MARCHF1: variants seen among roughly 807,000 people sequenced by gnomAD.
MARCHF1 encodes E3 ubiquitin-protein ligase MARCHF1.
A neutral mutation model predicts 54.2 loss-of-function variants in MARCHF1; 40 were observed. That is an observed-to-expected ratio of 0.74 (90% CI 0.57 to 0.96). The LOEUF is 0.96. Ranked by LOEUF, MARCHF1 falls within the 40% of genes least tolerant of loss-of-function variation. MARCHF1 has a pLI of 0.00. For synonymous variants in MARCHF1, 236 were observed against 236.3 expected (o/e 1.00, Z 0.01); for missense variants, 586 against 656.5 (o/e 0.89, Z 1.17).
chr4:163,733,258 T>TATACACATGTATATATATACACAC lies in MARCHF1; in HGVS notation c.112-32396_112-32395insGTGTGTATATATATACATGTGTAT, dbSNP rs1554008879. ...ATATATATACACGTGTATATATATA[T>TATACACATGTATATATATACACAC]ACACACACACACACACACAGACACA... On this transcript the variant is annotated intron_variant, in intron 4 of 9. Coordinates refer to ENST00000514618, the MANE Select transcript of MARCHF1 (RefSeq NM_001394959.1). Among the ~76,000 whole-genome samples the TATACACATGTATATATATACACAC allele has an allele frequency of 3.5e-3, 157 of 45,066 alleles. 4 individuals carry two copies. Among genetic ancestry groups the TATACACATGTATATATATACACAC allele is most frequent in the African/African-American group, 9.8e-3 (149 of 15,260 alleles). 29.6% of individuals were successfully genotyped at this position (45,066 alleles called of 152,430 possible). A position where few individuals can be genotyped will look rare whatever the true frequency, so the allele number is the denominator to read the frequency against.
In MARCHF1 at chr4:164,330,474, C is replaced by T. The variant is rs114499734; in HGVS notation, c.-323+53396G>A. Among the ~76,000 whole-genome samples, 926 of 152,226 alleles carry T rather than the reference C, an allele frequency of 6.1e-3. 6 individuals carry two copies. The highest frequency in any genetic ancestry group is 0.021 in the African/African-American group (870 of 41,536). On this transcript the variant is annotated intron_variant, in intron 1 of 9. Coordinates refer to ENST00000514618, the MANE Select transcript of MARCHF1 (RefSeq NM_001394959.1). ...ACAGACATATGTCCATAAAACCCAC[C>T]CGTAGCCACAAAATGAAAGCTCCAT...
At chr4:164,125,167 G>T (rs1413109623) in intron 1 of MARCHF1, among the ~76,000 whole-genome samples, 2 of 152,140 alleles carry the variant, frequency 1.3e-5, no homozygotes, top group Non-Finnish European at 1.5e-5. Context: ...TTCCAGTAAA[G>T]TGAGAGAATG....
chr4:163,948,103 A>G (rs1489264524), intron 3 of MARCHF1, among the ~76,000 whole-genome samples: 4 of 152,212 alleles, frequency 2.6e-5, no homozygotes, highest in Non-Finnish European at 4.4e-5. Context: ...CTACTATAGC[A>G]CATTACAAAT....
rs143672977 is a variant in MARCHF1, at chr4:164,222,470, A to G, written c.-322-110808T>C. ...GTAAAATAATTTTGTAAAGGGAAAA[A>G]TGGCTTATTAGTGTAGACTTGTAAA... On this transcript the variant is annotated intron_variant, in intron 1 of 9. Transcript: ENST00000514618. Among the ~76,000 whole-genome samples the G allele has an allele frequency of 2.9e-3, 448 of 152,018 alleles. 11 individuals are homozygous for G. The highest frequency in any genetic ancestry group is 0.026 in the Admixed American group (395 of 15,228).
intron 1 of MARCHF1, among the ~76,000 whole-genome samples, chr4:164,337,825 TG>T (rs1729795355): frequency 6.6e-6 from 1 of 151,796 alleles, no homozygotes; most frequent in African/African-American, 2.4e-5. Flanking sequence ...TGCATCACCC[TG>T]GGGGAAAAAA....
intron 1 of MARCHF1, among the ~76,000 whole-genome samples, chr4:164,330,654 T>G (rs1261890373): frequency 6.6e-6 from 1 of 152,168 alleles, no homozygotes; most frequent in Non-Finnish European, 1.5e-5. Context: ...CCGAGGAACA[T>G]GCACATAGCT....
intron 2 of MARCHF1, among the ~76,000 whole-genome samples, chr4:164,010,065 T>A (rs1346427083): frequency 3.4e-5 from 1 of 29,492 alleles, no homozygotes; most frequent in Non-Finnish European, 7.7e-5. Flanking sequence ...AAAAACTCTT[T>A]TTTTTTTTTT....
intron 1 of MARCHF1, among the ~76,000 whole-genome samples, chr4:164,302,362 T>C (rs373584664): frequency 1.1e-4 from 16 of 152,296 alleles, no homozygotes; most frequent in East Asian, 1.9e-4. Flanking sequence ...AAGTGGTATA[T>C]TGGAATTTTA....
At chr4:163,565,638 G>A (rs1739621003) in intron 8 of MARCHF1, among the ~76,000 whole-genome samples, 1 of 152,132 alleles carries the variant, frequency 6.6e-6, no homozygotes, top group African/African-American at 2.4e-5. Flanking sequence ...AAGACAGACA[G>A]GAGAGCAGGA....
intron 1 of MARCHF1, among the ~76,000 whole-genome samples, chr4:164,244,409 C>A (rs1017947381): frequency 2.6e-5 from 4 of 151,508 alleles, no homozygotes; most frequent in African/African-American, 9.7e-5. Flanking sequence ...CTGAAACCAA[C>A]GAGAACAAAG....
intron 1 of MARCHF1, among the ~76,000 whole-genome samples, chr4:164,359,884 G>A (rs1730674926): frequency 6.6e-6 from 1 of 152,050 alleles, no homozygotes; most frequent in Admixed American, 6.6e-5. Context: ...CCAGAAATCT[G>A]GTTTTTAGCA....
At chr4:163,610,346 T>C (rs1287052854) in intron 7 of MARCHF1, among the ~76,000 whole-genome samples, 1 of 152,080 alleles carries the variant, frequency 6.6e-6, no homozygotes, top group African/African-American at 2.4e-5. Context: ...ATTTTGATGG[T>C]AATCTCTAGC....
rs573499209 is a variant in MARCHF1 at position 163,649,926 on chromosome 4, A to T, written c.163-36533T>A. ...GACAAAAATATGTACTACCATTTAC[A>T]TTTATGAGAAGGTGATTTCTGACTC... is the stretch of plus-strand genomic sequence containing the variant. On this transcript the variant is annotated intron_variant, in intron 5 of 9. Transcript: ENST00000514618. Among the ~76,000 whole-genome samples, 9 of 152,136 alleles carry T rather than the reference A, an allele frequency of 5.9e-5. No individual in the cohort carries two copies. The South Asian group carries it at 1.9e-3, about 32-fold the overall frequency.
At position 163,620,606 on chromosome 4, in the gene MARCHF1, CAGAGAGAG is replaced by C. The variant is rs138054709; in HGVS notation, c.163-7221_163-7214del. Among the ~76,000 whole-genome samples, 451 of 56,876 alleles carry C rather than the reference CAGAGAGAG, an allele frequency of 7.9e-3. 3 individuals are homozygous for C. The highest frequency in any genetic ancestry group is 0.018 in the African/African-American group (379 of 21,458). 37.3% of individuals were successfully genotyped at this position (56,876 alleles called of 152,430 possible). On this transcript the variant is annotated intron_variant, in intron 5 of 9. Transcript: ENST00000514618. ...ACACACACACACACACACACACACA[CAGAGAGAG>C]AGAGAGAGAGAGAGAGAGAGAGAGA...
chr4:164,315,231 C>CAAAAAAA (rs58264322), intron 1 of MARCHF1, among the ~76,000 whole-genome samples: 2 of 100,676 alleles, frequency 2.0e-5, no homozygotes, highest in African/African-American at 3.7e-5. Context: ...GTTAATTTAA[C>CAAAAAAA]AAAAAAAAAA....
At chr4:163,826,908 G>C (rs191461476) in intron 4 of MARCHF1, among the ~76,000 whole-genome samples, 140 of 152,026 alleles carry the variant, frequency 9.2e-4, no homozygotes, top group African/African-American at 3.1e-3. Context: ...TAGCAAATCT[G>C]ACTTACAAAT....
In MARCHF1 at chr4:163,579,513, G is replaced by A. The variant is rs532433251; in HGVS notation, c.1191+6236C>T. Among the ~76,000 whole-genome samples the A allele has an allele frequency of 1.1e-4, 16 of 152,286 alleles. 1 individual carries two copies. Among genetic ancestry groups the A allele is most frequent in the Admixed American group, 8.5e-4 (13 of 15,296 alleles). The stretch of plus-strand genomic sequence containing the variant: ...GAATGAAGCAGTGAGAAAGTAAAGG[G>A]AAGGGCATTTGACTGCAGACAGTAC... On this transcript the variant is annotated intron_variant, in intron 8 of 9. Transcript: ENST00000514618.
At chr4:163,705,714 A>G (rs1297714015) in intron 4 of MARCHF1, among the ~76,000 whole-genome samples, 1 of 151,994 alleles carries the variant, frequency 6.6e-6, no homozygotes, top group Non-Finnish European at 1.5e-5. Context: ...AAAACACTAC[A>G]AAATATAATG....
chr4:163,875,362 C>A (rs1750266666), intron 3 of MARCHF1, among the ~76,000 whole-genome samples: 2 of 152,104 alleles, frequency 1.3e-5, no homozygotes, highest in Non-Finnish European at 2.9e-5. Context: ...GAAAAGGCAA[C>A]TCAGCAAGTC....
Sources: allele counts gnomAD v4.1 joint callset (sites outside exome capture counted in the v4.1 genomes callset), GRCh38; gene constraint gnomAD v4.1.1; transcripts MANE v1.5; gene names NCBI Gene and HGNC (gene_info 2026-07-23, HGNC 2026-07-21).